The following ACSM1 variants were observed in gnomAD, a reference collection of about 807,000 sequenced individuals.
ACSM1 encodes acyl-coenzyme A synthetase ACSM1, mitochondrial.
Under a neutral mutation model 75.8 loss-of-function variants are expected in ACSM1, and 79 were observed. The observed-to-expected ratio is 1.04, with a 90% CI of 0.87 to 1.26. The LOEUF (loss-of-function observed/expected upper bound fraction) is 1.26. Among genes scored for constraint, ACSM1 ranks in the 50% most tolerant of loss-of-function variants. The probability of loss-of-function intolerance (pLI) is 0.00; values close to 1 mark genes in which losing one functional copy is unlikely to be tolerated. For missense variants in ACSM1, 676 were observed against 720.1 expected, an observed-to-expected ratio of 0.94 and a Z score of 0.70; for synonymous variants, 279 against 265.8, an observed-to-expected ratio of 1.05 and a Z score of -0.48.
intron 13 of ACSM1, 90 bp downstream of exon 13, chr16:20,624,005 TG>T: frequency 6.4e-7 from 1 of 1,553,010 alleles, no homozygotes; most frequent in Non-Finnish European, 8.8e-7. Context: ...CTCCATTGTT[TG>T]GGGCTGTTTG....
At chr16:20,690,941 A>C in intron 2 of ACSM1, 56 bp downstream of exon 2, 1 of 1,547,564 alleles carries the variant, frequency 6.5e-7, no homozygotes, top group East Asian at 2.3e-5. Context: ...TAGGAGCAAG[A>C]TAAGGAAAGT....
At chr16:20,687,774 A>T (rs1567312693) in intron 2 of ACSM1, among the ~76,000 whole-genome samples, 1 of 152,066 alleles carries the variant, frequency 6.6e-6, no homozygotes, top group South Asian at 2.1e-4. Context: ...CAACAAAAAG[A>T]TAGAAACTAT....
intron 1 of ACSM1, among the ~76,000 whole-genome samples, chr16:20,692,387 T>C (rs546959067): frequency 1.1e-4 from 17 of 152,330 alleles, no homozygotes; most frequent in East Asian, 5.8e-4. Flanking sequence ...TTCCAGGCTA[T>C]AGGTAAATTT....
Position 20,634,683 on chromosome 16 carries a change from T to C in ACSM1, c.1299+2056A>G, listed in dbSNP as rs543295910. On this transcript the variant is annotated intron_variant, in intron 10 of 13. Coordinates refer to ENST00000520010, the MANE Select transcript of ACSM1 (RefSeq NM_001318890.3). The stretch of plus-strand genomic sequence containing the variant: ...TTAAAAAGCAGATTAGAGATTATCA[T>C]GTGCTGGAGACTGGGGCAGTGAGAT... Among the ~76,000 whole-genome samples, 7 of 152,318 alleles carry C rather than the reference T, an allele frequency of 4.6e-5. No individual in the cohort carries two copies. The South Asian group carries it at 1.2e-3, about 27-fold the overall frequency.
At chr16:20,629,280 C>T (rs967672998) in intron 10 of ACSM1, among the ~76,000 whole-genome samples, 1 of 152,036 alleles carries the variant, frequency 6.6e-6, no homozygotes, top group African/African-American at 2.4e-5. Flanking sequence ...TACAAGATGA[C>T]ATCAACAACA....
Position 20,671,553 on chromosome 16 carries a change from A to G in ACSM1, c.730T>C (p.Leu244=), listed in dbSNP as rs1183164828. 11 of 1,611,738 alleles carry G rather than the reference A, an allele frequency of 6.8e-6. No individual in the cohort carries two copies. The highest frequency in any genetic ancestry group is 4.4e-5 in the South Asian group (4 of 90,664). The change falls in exon 5 of 14, where the codon TTA becomes CTA. Residue 244 remains leucine, a synonymous_variant. Coordinates refer to ENST00000520010, the MANE Select transcript of ACSM1 (RefSeq NM_001318890.3). ...KMAKHSHGLA[L]QPSFPGSRKL... is the part of the protein sequence containing the mutation. Reference sequence around the variant, plus strand: ...TACCTTCCTGGGAAGGAGGGTTGTAAGGCCAACCCATGGGAGTGTTTTGCC... The same window carrying G: ...TACCTTCCTGGGAAGGAGGGTTGTAGGGCCAACCCATGGGAGTGTTTTGCC...
intron 3 of ACSM1, among the ~76,000 whole-genome samples, chr16:20,683,634 C>G (rs965651254): frequency 7.8e-6 from 1 of 128,676 alleles, no homozygotes; most frequent in Admixed American, 9.2e-5. Context: ...GCCCAGAGGG[C>G]TCAGCTCAAG....
chr16:20,690,895 G>T, intron 2 of ACSM1, 102 bp downstream of exon 2: 2 of 1,130,328 alleles, frequency 1.8e-6, no homozygotes, highest in Non-Finnish European at 2.5e-6. Flanking sequence ...ATAAGTTGAG[G>T]CAGAAGTAAC....
chr16:20,647,851 T>A (rs2018446531), intron 7 of ACSM1, among the ~76,000 whole-genome samples: 1 of 152,136 alleles, frequency 6.6e-6, no homozygotes, highest in African/African-American at 2.4e-5. Flanking sequence ...GCCTTCCTAG[T>A]CTCCTAGATC....
rs375944305 is a variant in ACSM1 at position 20,682,479 on chromosome 16, G to A, written c.404-16C>T. 4 of 1,606,292 alleles carry A rather than the reference G, an allele frequency of 2.5e-6. No individual in the cohort carries two copies. The African/African-American group carries it at 4.0e-5, about 16-fold the overall frequency. On this transcript the variant is annotated splice_polypyrimidine_tract_variant and intron_variant, in intron 3 of 13. Coordinates refer to ENST00000520010, the MANE Select transcript of ACSM1 (RefSeq NM_001318890.3). ...AAGATGATCCCTGGGGATGAGAAAG[G>A]AACTGATTGTTTTGGTTTCTTTTTC...
In ACSM1 at chr16:20,624,112, T is replaced by C. The variant is rs1343474136; in HGVS notation, c.1631A>G (p.Tyr544Cys). ...CTCACTCACCTTCCTTGGGTACTTG[T>C]ATGGGGCTGTCACTGACTTGACATG... is the stretch of plus-strand genomic sequence containing the variant. ...QQHVKSVTAP[Y>C]KYPRKVEFVS... is the part of the protein sequence containing the mutation. The change falls in exon 13 of 14, where the codon TAC becomes TGC. Residue 544 changes from tyrosine (Y) to cysteine (C), a missense_variant. Tyr to Cys is a radical substitution (Grantham distance 194). Transcript: ENST00000520010. The C allele has an allele frequency of 5.0e-6, 8 of 1,612,786 alleles. No individual in the cohort carries two copies. Among genetic ancestry groups the C allele is most frequent in the South Asian group, 4.4e-5 (4 of 91,062 alleles).
At chr16:20,690,168 C>T (rs944170688) in intron 2 of ACSM1, among the ~76,000 whole-genome samples, 1 of 152,190 alleles carries the variant, frequency 6.6e-6, no homozygotes, top group South Asian at 2.1e-4. Context: ...TACATGAATA[C>T]ATATTCATGG....
intron 1 of ACSM1, among the ~76,000 whole-genome samples, chr16:20,694,557 G>A (rs1161824988): frequency 6.6e-6 from 1 of 152,112 alleles, no homozygotes; most frequent in Non-Finnish European, 1.5e-5. Flanking sequence ...TTTCTATGCA[G>A]GTGTCTATAT....
intron 7 of ACSM1, among the ~76,000 whole-genome samples, chr16:20,654,483 A>C (rs571346059): frequency 6.6e-6 from 1 of 152,324 alleles, no homozygotes; most frequent in African/African-American, 2.4e-5. Context: ...ATGGGAGAAA[A>C]TTTTTGCCAT....
At chr16:20,641,231 C>T (rs1446519726) in intron 7 of ACSM1, among the ~76,000 whole-genome samples, 1 of 152,178 alleles carries the variant, frequency 6.6e-6, no homozygotes, top group Non-Finnish European at 1.5e-5. Flanking sequence ...ATTTCTTTGA[C>T]ATATTTTGAA....
chr16:20,645,423 A>G (rs1409750853), intron 7 of ACSM1, among the ~76,000 whole-genome samples: 1 of 152,232 alleles, frequency 6.6e-6, no homozygotes, highest in Admixed American at 6.5e-5. Context: ...AATTCAGGCC[A>G]GTCAGAGTGT....
At chr16:20,664,685 C>A (rs1306481418) in intron 6 of ACSM1, among the ~76,000 whole-genome samples, 1 of 152,160 alleles carries the variant, frequency 6.6e-6, no homozygotes, top group Non-Finnish European at 1.5e-5. Context: ...ATTTACCTAA[C>A]AACCACAGAA....
intron 7 of ACSM1, among the ~76,000 whole-genome samples, chr16:20,654,455 G>A (rs1357236787): frequency 6.6e-6 from 1 of 152,168 alleles, no homozygotes; most frequent in Non-Finnish European, 1.5e-5. Flanking sequence ...CCATCAGAGT[G>A]AACAGTTAAC....
At chr16:20,690,751 A>G (rs1180682136) in intron 2 of ACSM1, among the ~76,000 whole-genome samples, 3 of 152,214 alleles carry the variant, frequency 2.0e-5, no homozygotes, top group Admixed American at 1.3e-4. Flanking sequence ...AATAAAAGAT[A>G]TATTTACCTA....
Sources: gnomAD v4.1 joint callset for allele counts (sites outside exome capture counted in the v4.1 genomes callset) on GRCh38, gnomAD v4.1.1 for gene constraint, MANE v1.5 for transcripts, NCBI Gene and HGNC (gene_info 2026-07-23, HGNC 2026-07-21) for gene names.